The following NCKAP5L variants were observed in gnomAD, a reference collection of about 807,000 sequenced individuals.
NCKAP5L encodes the protein nck-associated protein 5-like.
Under a neutral mutation model 103.2 loss-of-function variants are expected in NCKAP5L, and 54 were observed. The observed-to-expected ratio is 0.52, with a 90% CI of 0.42 to 0.66. The LOEUF (loss-of-function observed/expected upper bound fraction) is 0.66. Among genes scored for constraint, NCKAP5L ranks in the 30% least tolerant of loss-of-function variants. The pLI is 0.00. For synonymous variants in NCKAP5L, 762 were observed against 748.6 expected (o/e 1.02, Z -0.29); for missense variants, 1,733 against 1,750.6 (o/e 0.99, Z 0.18).
At chr12:49,827,619 C>T (rs1458592766) in intron 1 of NCKAP5L, among the ~76,000 whole-genome samples, 1 of 152,244 alleles carries the variant, frequency 6.6e-6, no homozygotes, top group African/African-American at 2.4e-5. Context: ...GCAGCCAGCA[C>T]CCAGAGGGCC....
At chr12:49,820,479 G>C (rs2137039978) in intron 1 of NCKAP5L, among the ~76,000 whole-genome samples, 1 of 152,182 alleles carries the variant, frequency 6.6e-6, no homozygotes, top group South Asian at 2.1e-4. Context: ...ATTATGCCTG[G>C]CTAATTTTTG....
At chr12:49,808,444 A>G (rs1946204429) in intron 1 of NCKAP5L, among the ~76,000 whole-genome samples, 2 of 152,216 alleles carry the variant, frequency 1.3e-5, no homozygotes, top group African/African-American at 4.8e-5. Flanking sequence ...AGAGACCTGC[A>G]GGAAAGCTTG....
intron 1 of NCKAP5L, among the ~76,000 whole-genome samples, chr12:49,810,536 A>T (rs1358117138): frequency 1.3e-5 from 2 of 152,146 alleles, no homozygotes; most frequent in African/African-American, 4.8e-5. Context: ...CTGTAAGGTC[A>T]AAGCTGTTTT....
intron 1 of NCKAP5L, among the ~76,000 whole-genome samples, chr12:49,823,448 C>T (rs55758326): frequency 0.44 from 66,121 of 151,742 alleles, 15,409 homozygotes; most frequent in Non-Finnish European, 0.52. Flanking sequence ...TTCCAGGGCC[C>T]CTCACAGCCC....
chr12:49,816,259 C>T (rs1424496753), intron 1 of NCKAP5L, among the ~76,000 whole-genome samples: 1 of 152,098 alleles, frequency 6.6e-6, no homozygotes, highest in Non-Finnish European at 1.5e-5. Context: ...CCAACCAGAC[C>T]AGGCCCTGAG....
intron 1 of NCKAP5L, among the ~76,000 whole-genome samples, chr12:49,819,000 C>A (rs1050949442): frequency 2.0e-5 from 3 of 148,158 alleles, no homozygotes; most frequent in African/African-American, 7.5e-5. Flanking sequence ...AGTTCAAGAC[C>A]AGCCTAGACA....
Position 49,792,251 on chromosome 12 carries a change from C to A in NCKAP5L, c.3792+195G>T. On this transcript the variant is annotated intron_variant, in intron 12 of 12. Transcript: ENST00000335999. The surrounding 1 kb of genome is among the most constrained non-coding windows in gnomAD (Gnocchi z 4.5). ...ACAAGGTTCTGGGGAGGGACAGAAA[C>A]CTTTCCCCACGAGAGAAGTGCAAGG... 8.1e-7 allele frequency: 1 copy of A among 1,227,026 alleles called. No homozygotes were observed. The highest frequency in any genetic ancestry group is 2.5e-5 in the East Asian group (1 of 39,462). 76.0% of individuals were successfully genotyped at this position (1,227,026 alleles called of 1,614,324 possible).
intron 1 of NCKAP5L, among the ~76,000 whole-genome samples, chr12:49,818,395 T>C (rs1342250666): frequency 7.0e-6 from 1 of 142,232 alleles, no homozygotes; most frequent in Non-Finnish European, 1.5e-5. Context: ...CAGGCTGGAG[T>C]GCAGGCTGGT....
Position 49,802,955 on chromosome 12 carries a change from C to T in NCKAP5L, c.231+3G>A, listed in dbSNP as rs780295722. On this transcript the variant is annotated splice_donor_region_variant and intron_variant, in intron 5 of 12. Transcript: ENST00000335999. ...TTCTCCCCAGGGTGTCTGGGTTACTCACCTTCTGGTTCAGCAACGCCTGTA... is the reference window on the plus strand; with the variant it reads ...TTCTCCCCAGGGTGTCTGGGTTACTTACCTTCTGGTTCAGCAACGCCTGTA... 1 of 1,613,916 alleles carries T rather than the reference C, an allele frequency of 6.2e-7. No individual in the cohort carries two copies. The highest frequency in any genetic ancestry group is 8.5e-7 in the Non-Finnish European group (1 of 1,179,896).
At chr12:49,820,516 C>T (rs1470412012) in intron 1 of NCKAP5L, among the ~76,000 whole-genome samples, 6 of 152,042 alleles carry the variant, frequency 3.9e-5, no homozygotes, top group East Asian at 1.9e-4. Context: ...GGTGTTTCAC[C>T]GTGTTAGCCA....
In NCKAP5L at chr12:49,795,648, G is replaced by A; in HGVS notation, c.2212C>T (p.Gln738Ter). 1.9e-6 allele frequency: 3 copies of A among 1,612,042 alleles called. No individual in the cohort carries two copies. Among genetic ancestry groups the A allele is most frequent in the Non-Finnish European group, 2.5e-6 (3 of 1,179,018 alleles). Residue 738 changes from glutamine (Q) to a stop codon, truncating the protein, a stop_gained, in exon 8 of 13, where the codon CAG becomes TAG. Coordinates refer to ENST00000335999, the MANE Select transcript of NCKAP5L (RefSeq NM_001037806.4). LOFTEE classifies it high-confidence loss of function. ...TCCCCCATAAGTCCAGGTTCCTGCT[G>A]CTTCAGGCTGTTTGTGCCCAAGGCC... ...AVALGTNSLK[Q>*]QEPGLMGDPG...
In NCKAP5L at chr12:49,797,400, G is replaced by A. The variant is rs183010166; in HGVS notation, c.466-6C>T. On this transcript the variant is annotated splice_polypyrimidine_tract_variant and splice_region_variant and intron_variant, in intron 7 of 12. Transcript: ENST00000335999. The surrounding 1 kb of genome is among the most constrained non-coding windows in gnomAD (Gnocchi z 4.5). Reference sequence around the variant, plus strand: ...AGCTGCTGCTCCCAACATACCTTAGGGGAGAGATGATGGCATGAGGAGGAG... The same window carrying A: ...AGCTGCTGCTCCCAACATACCTTAGAGGAGAGATGATGGCATGAGGAGGAG... 3.2e-4 allele frequency: 514 copies of A among 1,590,954 alleles called. 1 individual carries two copies. The African/African-American group carries it at 5.7e-3, about 18-fold the overall frequency.
chr12:49,813,607 C>T (rs902899735), intron 1 of NCKAP5L, among the ~76,000 whole-genome samples: 5 of 151,922 alleles, frequency 3.3e-5, no homozygotes, highest in African/African-American at 9.7e-5. Flanking sequence ...AGCTCACTGC[C>T]GCCTCCACCT....
chr12:49,801,839 G>A lies in NCKAP5L; in HGVS notation c.351+9C>T, dbSNP rs752621013. On this transcript the variant is annotated intron_variant, in intron 6 of 12. Transcript: ENST00000335999. ...GTGCGATGGGAGTGAAAGGAGCGCAGATGCCTACCTGAGGGAGCGAGCCTG... is the reference window on the plus strand; with the variant it reads ...GTGCGATGGGAGTGAAAGGAGCGCAAATGCCTACCTGAGGGAGCGAGCCTG... 1.9e-6 allele frequency: 3 copies of A among 1,613,758 alleles called. No individual in the cohort carries two copies. Among genetic ancestry groups the A allele is most frequent in the Non-Finnish European group, 2.5e-6 (3 of 1,179,818 alleles).
Position 49,797,275 on chromosome 12 carries a change from T to C in NCKAP5L, c.585A>G (p.Arg195=). 2 of 1,613,432 alleles carry C rather than the reference T, an allele frequency of 1.2e-6. No individual in the cohort carries two copies. The highest frequency in any genetic ancestry group is 8.5e-7 in the Non-Finnish European group (1 of 1,179,780). The stretch of plus-strand genomic sequence containing the variant: ...GCAAGGGGTCAGTCTCTTCCAGGGC[T>C]CTCAGCACCTCCAGAATCTGGGCCT... The part of the protein sequence containing the change: ...RKKAQILEVL[R]ALEETDPLLL... The change falls in exon 8 of 13, where the codon AGA becomes AGG. Residue 195 remains arginine (R), a synonymous_variant. Transcript: ENST00000335999. The surrounding 1 kb of genome is among the most constrained non-coding windows in gnomAD (Gnocchi z 4.5).
At position 49,795,012 on chromosome 12, in the gene NCKAP5L, G is replaced by A; in HGVS notation, c.2848C>T (p.Leu950Phe). 8.1e-6 allele frequency: 13 copies of A among 1,603,286 alleles called. No individual in the cohort carries two copies. The highest frequency in any genetic ancestry group is 1.1e-5 in the Non-Finnish European group (13 of 1,175,144). Residue 950 changes from leucine to phenylalanine, a missense_variant, in exon 8 of 13, where the codon CTC (leucine) becomes TTC (phenylalanine). Transcript: ENST00000335999. The part of the protein sequence containing the change: ...NKEGAGGGSP[L>F]RREVKMEARK... ...GCTTCCATCTTGACTTCCCTCCGGA[G>A]CGGGGAGCCCCCGCCAGCCCCCTCC...
chr12:49,823,806 C>T (rs1414166988), intron 1 of NCKAP5L, among the ~76,000 whole-genome samples: 1 of 152,164 alleles, frequency 6.6e-6, no homozygotes, highest in Non-Finnish European at 1.5e-5. Context: ...TAATAACAGC[C>T]TGGCCTCTTT....
At position 49,795,375 on chromosome 12, in the gene NCKAP5L, G is replaced by C; in HGVS notation, c.2485C>G (p.Arg829Gly). 6.4e-7 allele frequency: 1 copy of C among 1,560,430 alleles called. No homozygotes were observed. The highest frequency in any genetic ancestry group is 8.6e-7 in the Non-Finnish European group (1 of 1,158,732). The change falls in exon 8 of 13, where the codon CGA becomes GGA. Residue 829 changes from arginine (R) to glycine (G), a missense_variant. Arg to Gly is a moderately radical substitution (Grantham distance 125). Coordinates refer to ENST00000335999, the MANE Select transcript of NCKAP5L (RefSeq NM_001037806.4). ...PSKSPTKVVP[R>G]PGAPLVTKES... is the part of the protein sequence containing the mutation. ...TTGGTGACTAGCGGAGCCCCAGGTCGAGGCACCACCTTGGTTGGTGACTTG... is the reference window on the plus strand; with the variant it reads ...TTGGTGACTAGCGGAGCCCCAGGTCCAGGCACCACCTTGGTTGGTGACTTG...
chr12:49,806,726 C>T (rs1946184822), intron 1 of NCKAP5L, among the ~76,000 whole-genome samples: 1 of 152,242 alleles, frequency 6.6e-6, no homozygotes, highest in South Asian at 2.1e-4. Context: ...CACAGTAAAA[C>T]AGACATTTAA....
Sources: gnomAD v4.1 joint callset for allele counts (sites outside exome capture counted in the v4.1 genomes callset) on GRCh38, gnomAD v4.1.1 for gene constraint, Gnocchi (gnomAD v3.1) non-coding constraint, MANE v1.5 for transcripts, NCBI Gene and HGNC (gene_info 2026-07-23, HGNC 2026-07-21) for gene names.